Variants in SH3RF1 observed in about 807,000 individuals in gnomAD.
SH3RF1 encodes SH3 domain containing ring finger 1.
Under a neutral mutation model 74.0 loss-of-function variants are expected in SH3RF1, and 32 were observed. The ratio of observed to expected loss-of-function variants is 0.43; its 90% CI spans 0.33 to 0.58. SH3RF1 has a LOEUF of 0.58. SH3RF1 is among the 20% of genes least tolerant of loss of function. The pLI is 0.05. For missense variants in SH3RF1, 954 were observed against 1,130.9 expected, an observed-to-expected ratio of 0.84 and a Z score of 2.24; for synonymous variants, 396 against 439.6, an observed-to-expected ratio of 0.90 and a Z score of 1.24.
At chr4:169,135,429 G>A (rs1248613561) in intron 5 of SH3RF1, among the ~76,000 whole-genome samples, 2 of 152,154 alleles carry the variant, frequency 1.3e-5, no homozygotes, top group African/African-American at 4.8e-5. Flanking sequence ...GATGAAACAT[G>A]AGACTTGAAA....
intron 4 of SH3RF1, among the ~76,000 whole-genome samples, chr4:169,145,583 T>C (rs1733862351): frequency 1.4e-5 from 2 of 147,730 alleles, no homozygotes; most frequent in African/African-American, 4.9e-5. Flanking sequence ...ATATTATATA[T>C]CATATATAAT....
chr4:169,184,648 T>C (rs1375350023), intron 2 of SH3RF1, among the ~76,000 whole-genome samples: 1 of 152,216 alleles, frequency 6.6e-6, no homozygotes, highest in Non-Finnish European at 1.5e-5. Context: ...AATCACAGGA[T>C]GAGGAAGGCT....
chr4:169,229,819 A>G (rs1730706098), intron 2 of SH3RF1, among the ~76,000 whole-genome samples: 1 of 152,220 alleles, frequency 6.6e-6, no homozygotes, highest in Non-Finnish European at 1.5e-5. Context: ...ATCAATGCCA[A>G]ATTGCAACTA....
rs561666567 is a variant in SH3RF1 at position 169,167,122 on chromosome 4, C to T, written c.394-10443G>A. 7.4e-5 allele frequency: 12 copies of T among 162,942 alleles called. No individual in the cohort carries two copies. In the South Asian group the frequency reaches 1.7e-3, roughly 23 times the overall value. The allele number at this position is 162,942 out of a possible 1,614,324, so 10.1% of individuals were successfully genotyped here. ...CCTCACAAAGTGGTGCTCTAAATTT[C>T]TTAAGAACCTAATTAAGTAACTGAT... is the stretch of plus-strand genomic sequence containing the variant. On this transcript the variant is annotated intron_variant, in intron 2 of 11. Transcript: ENST00000284637.
chr4:169,226,870 TA>T (rs1311102335), intron 2 of SH3RF1, among the ~76,000 whole-genome samples: 1 of 152,078 alleles, frequency 6.6e-6, no homozygotes, highest in Non-Finnish European at 1.5e-5. Flanking sequence ...TAACTGCTTT[TA>T]AAAATACATA....
chr4:169,154,449 C>A (rs1226058667), intron 4 of SH3RF1, among the ~76,000 whole-genome samples: 1 of 152,136 alleles, frequency 6.6e-6, no homozygotes, highest in African/African-American at 2.4e-5. Flanking sequence ...GATAAAAAGA[C>A]TGCAAAATAA....
intron 1 of SH3RF1, 119 bp downstream of exon 1, chr4:169,270,740 G>A (rs1731436729): frequency 6.6e-6 from 1 of 152,208 alleles, no homozygotes; most frequent in African/African-American, 2.4e-5. Context: ...CGAGGGCGAG[G>A]GGAGAGAGAG....
At chr4:169,237,874 C>T (rs191951562) in intron 2 of SH3RF1, among the ~76,000 whole-genome samples, 1 of 152,042 alleles carries the variant, frequency 6.6e-6, no homozygotes, top group Non-Finnish European at 1.5e-5. Context: ...TATGATTTCC[C>T]CCCCGCTCCA....
chr4:169,152,890 C>G (rs981087642), intron 4 of SH3RF1, among the ~76,000 whole-genome samples: 6 of 152,150 alleles, frequency 3.9e-5, no homozygotes, highest in Non-Finnish European at 7.3e-5. Flanking sequence ...GCAAACTATT[C>G]CGGTAGCATT....
intron 2 of SH3RF1, among the ~76,000 whole-genome samples, chr4:169,218,351 A>G (rs1285032406): frequency 7.0e-6 from 1 of 142,022 alleles, no homozygotes; most frequent in Admixed American, 7.4e-5. Flanking sequence ...TAGAATATAA[A>G]TATATATTAT....
intron 10 of SH3RF1, among the ~76,000 whole-genome samples, chr4:169,110,704 G>T (rs1319508313): frequency 6.6e-6 from 1 of 152,220 alleles, no homozygotes; most frequent in African/African-American, 2.4e-5. Flanking sequence ...TTGGGAATTT[G>T]GGGGCGGGGG....
chr4:169,125,967 G>A (rs972202261), intron 6 of SH3RF1, among the ~76,000 whole-genome samples: 1 of 152,194 alleles, frequency 6.6e-6, no homozygotes, highest in African/African-American at 2.4e-5. Context: ...AAACAAGAGA[G>A]ATATGTATAT....
intron 8 of SH3RF1, 47 bp downstream of exon 8, chr4:169,120,772 A>C (rs774847321): frequency 1.9e-6 from 3 of 1,589,072 alleles, no homozygotes; most frequent in African/African-American, 1.3e-5. Flanking sequence ...GAAAAGAACA[A>C]AGCTTCTCTG....
intron 2 of SH3RF1, among the ~76,000 whole-genome samples, chr4:169,223,896 T>C (rs1451706678): frequency 6.6e-6 from 1 of 152,112 alleles, no homozygotes; most frequent in Non-Finnish European, 1.5e-5. Context: ...GGCAGAACAG[T>C]TGGGCATATT....
intron 11 of SH3RF1, among the ~76,000 whole-genome samples, chr4:169,102,915 CTTTTTTTT>C (rs66574732): frequency 1.5e-5 from 1 of 66,876 alleles, no homozygotes; most frequent in Admixed American, 2.6e-4. Flanking sequence ...CAGTCACATT[CTTTTTTTT>C]TTTTTTTTTT....
chr4:169,147,566 G>A (rs1225961121), intron 4 of SH3RF1, among the ~76,000 whole-genome samples: 6 of 152,184 alleles, frequency 3.9e-5, no homozygotes, highest in Non-Finnish European at 5.9e-5. Flanking sequence ...GACTTTGCAC[G>A]TTTGTTTGAG....
At chr4:169,246,515 A>G (rs543690316) in intron 2 of SH3RF1, among the ~76,000 whole-genome samples, 1 of 152,340 alleles carries the variant, frequency 6.6e-6, no homozygotes, top group East Asian at 1.9e-4. Flanking sequence ...TGCCTAAAGG[A>G]GAAAGTAGAA....
At chr4:169,154,729 T>C (rs1415993992) in intron 4 of SH3RF1, among the ~76,000 whole-genome samples, 2 of 152,236 alleles carry the variant, frequency 1.3e-5, no homozygotes, top group Non-Finnish European at 2.9e-5. Context: ...TGAATGGTTG[T>C]CTGGGCCACG....
At chr4:169,159,406 A>G (rs953726630) in intron 2 of SH3RF1, among the ~76,000 whole-genome samples, 1 of 152,226 alleles carries the variant, frequency 6.6e-6, no homozygotes, top group African/African-American at 2.4e-5. Context: ...AGAGAAAGAG[A>G]GAGAACTGGC....
Sources: gnomAD v4.1 joint callset for allele counts (sites outside exome capture counted in the v4.1 genomes callset) on GRCh38, gnomAD v4.1.1 for gene constraint, MANE v1.5 for transcripts, NCBI Gene and HGNC (gene_info 2026-07-23, HGNC 2026-07-21) for gene names.